The following HECW1 variants were observed in gnomAD, a reference collection of about 807,000 sequenced individuals.
HECW1 encodes E3 ubiquitin-protein ligase HECW1.
In HECW1, 61 loss-of-function variants were observed where a neutral mutation model predicts 182.3. The ratio of observed to expected loss-of-function variants is 0.33; its 90% CI spans 0.27 to 0.41. HECW1 has a LOEUF of 0.41. HECW1 is among the 10% of genes least tolerant of loss of function. HECW1 has a pLI of 1.00. For missense variants in HECW1, 1,739 were observed against 2,108.9 expected, an observed-to-expected ratio of 0.82 and a Z score of 3.44; for synonymous variants, 859 against 832.6, an observed-to-expected ratio of 1.03 and a Z score of -0.55.
intron 3 of HECW1, among the ~76,000 whole-genome samples, chr7:43,244,252 G>A (rs997810725): frequency 6.6e-6 from 1 of 152,236 alleles, no homozygotes; most frequent in Non-Finnish European, 1.5e-5. Context: ...ACAGCTGAGA[G>A]CTCCGCTGTC....
intron 2 of HECW1, among the ~76,000 whole-genome samples, chr7:43,218,933 A>C (rs996721796): frequency 1.3e-5 from 2 of 152,194 alleles, no homozygotes; most frequent in Non-Finnish European, 2.9e-5. Context: ...AGAGACAGAG[A>C]GAGCAGTGCC....
At chr7:43,235,219 C>T (rs1798218757) in intron 2 of HECW1, among the ~76,000 whole-genome samples, 1 of 152,202 alleles carries the variant, frequency 6.6e-6, no homozygotes, top group Non-Finnish European at 1.5e-5. Context: ...CCCCCACACC[C>T]ATCACCTTAC....
intron 2 of HECW1, among the ~76,000 whole-genome samples, chr7:43,175,799 C>G (rs556477039): frequency 1.3e-5 from 2 of 152,262 alleles, no homozygotes; most frequent in South Asian, 2.1e-4. Context: ...ATAAATGCAG[C>G]CTTCATGACG....
chr7:43,232,032 A>AG (rs1273596237), intron 2 of HECW1, among the ~76,000 whole-genome samples: 2 of 151,380 alleles, frequency 1.3e-5, no homozygotes, highest in Non-Finnish European at 2.9e-5. Flanking sequence ...AAAAAAAAAA[A>AG]AAAAAAAAAA....
At chr7:43,544,236 A>G (rs920878731) in intron 26 of HECW1, among the ~76,000 whole-genome samples, 2 of 152,246 alleles carry the variant, frequency 1.3e-5, no homozygotes, top group East Asian at 3.8e-4. Context: ...AAGCAACATA[A>G]TGTTTAATAC....
At chr7:43,207,248 T>C (rs1226177768) in intron 2 of HECW1, among the ~76,000 whole-genome samples, 1 of 152,166 alleles carries the variant, frequency 6.6e-6, no homozygotes, top group Non-Finnish European at 1.5e-5. Flanking sequence ...GGTTTCACCA[T>C]GTTGGCCAGG....
intron 1 of HECW1, chr7:43,113,636 T>G (rs1784811655): frequency 5.6e-6 from 1 of 178,446 alleles, no homozygotes; most frequent in African/African-American, 2.5e-5. Context: ...TATTGCGACT[T>G]GCAGACAGGC....
chr7:43,538,270 G>A (rs1310351169), intron 24 of HECW1, among the ~76,000 whole-genome samples: 1 of 152,078 alleles, frequency 6.6e-6, no homozygotes, highest in Admixed American at 6.5e-5. Flanking sequence ...GATGAGGGAG[G>A]GCGATATCAC....
chr7:43,470,564 G>A lies in HECW1; in HGVS notation c.3099+1459G>A, dbSNP rs144128683. On this transcript the variant is annotated intron_variant, in intron 16 of 29. Transcript: ENST00000395891. ...CACACCAGCAGGGAAGCACAGAGAT[G>A]CACTGTGAGAGTTTTGTTCCATTTG... Among the ~76,000 whole-genome samples, 836 of 152,324 alleles carry A rather than the reference G, an allele frequency of 5.5e-3. 5 individuals carry two copies. Among genetic ancestry groups the A allele is most frequent in the African/African-American group, 0.019 (795 of 41,570 alleles).
chr7:43,524,088 T>C (rs2080653747), intron 24 of HECW1, among the ~76,000 whole-genome samples: 1 of 152,184 alleles, frequency 6.6e-6, no homozygotes, highest in Admixed American at 6.5e-5. Flanking sequence ...AATGCAGATT[T>C]CCATAACCCA....
At chr7:43,128,024 G>A (rs1172607232) in intron 2 of HECW1, among the ~76,000 whole-genome samples, 1 of 152,028 alleles carries the variant, frequency 6.6e-6, no homozygotes, top group Non-Finnish European at 1.5e-5. Flanking sequence ...AACAACAGGT[G>A]CGCACCACCA....
At position 43,114,405 on chromosome 7, in the gene HECW1, G is replaced by C. The variant is rs1462080268; in HGVS notation, c.-32+14G>C. ...GTGGCTATTACGGTAATTCATTCTA[G>C]ATTGGGGATTCATTTAAAAATGTGT... On this transcript the variant is annotated intron_variant, in intron 2 of 29. Coordinates refer to ENST00000395891, the MANE Select transcript of HECW1 (RefSeq NM_015052.5). The C allele has an allele frequency of 3.0e-6, 4 of 1,338,098 alleles. No individual in the cohort carries two copies. In the African/African-American group the frequency reaches 4.4e-5, roughly 15 times the overall value. 82.9% of individuals were successfully genotyped at this position (1,338,098 alleles called of 1,614,324 possible).
chr7:43,552,246 G>C lies in HECW1; in HGVS notation c.4420G>C (p.Val1474Leu). The C allele has an allele frequency of 6.2e-7, 1 of 1,613,724 alleles. No individual in the cohort carries two copies. The highest frequency in any genetic ancestry group is 8.5e-7 in the Non-Finnish European group (1 of 1,179,620). The change falls in exon 28 of 30, where the codon GTG (valine) becomes CTG (leucine). Residue 1474 changes from valine to leucine, a missense_variant. By Grantham distance (32) the Val-to-Leu change is conservative. Coordinates refer to ENST00000395891, the MANE Select transcript of HECW1 (RefSeq NM_015052.5). ...YEVVDSRLVSVFDARELELVI... is the reference protein window; with the variant it reads ...YEVVDSRLVSLFDARELELVI... ...GGTTGTAGACTCGAGGCTGGTGTCCGTGTTTGATGCCAGGGAGCTGGAGCT... is the reference window on the plus strand; with the variant it reads ...GGTTGTAGACTCGAGGCTGGTGTCCCTGTTTGATGCCAGGGAGCTGGAGCT...
chr7:43,167,361 C>A (rs1004372331), intron 2 of HECW1, among the ~76,000 whole-genome samples: 2 of 152,146 alleles, frequency 1.3e-5, no homozygotes, highest in Admixed American at 1.3e-4. Flanking sequence ...CACCCTAAAT[C>A]TAGGGTGATT....
chr7:43,358,447 G>A lies in HECW1; in HGVS notation c.461-2439G>A, dbSNP rs146931737. 2.5e-3 allele frequency among the ~76,000 whole-genome samples: 382 copies of A among 152,124 alleles called. 1 individual carries two copies. Among genetic ancestry groups the A allele is most frequent in the African/African-American group, 8.9e-3 (371 of 41,510 alleles). On this transcript the variant is annotated intron_variant, in intron 5 of 29. Transcript: ENST00000395891. ...TCAACAGACATGTGAAAGAACTATC[G>A]AGAAAGTGACTCAGGAAGGAAACTC...
At chr7:43,543,640 A>T (rs2081442447) in intron 26 of HECW1, among the ~76,000 whole-genome samples, 1 of 151,854 alleles carries the variant, frequency 6.6e-6, no homozygotes, top group Admixed American at 6.6e-5. Flanking sequence ...TTAGCTGGGG[A>T]TGATGGCAGA....
At chr7:43,340,713 A>T (rs945519107) in intron 5 of HECW1, among the ~76,000 whole-genome samples, 4 of 151,754 alleles carry the variant, frequency 2.6e-5, no homozygotes, top group Non-Finnish European at 4.4e-5. Flanking sequence ...TGTTGGTGGG[A>T]GTGTAAACTA....
intron 4 of HECW1, among the ~76,000 whole-genome samples, chr7:43,317,881 CT>C (rs1809549161): frequency 6.7e-6 from 1 of 150,160 alleles, no homozygotes; most frequent in Non-Finnish European, 1.5e-5. Context: ...TTTGCTGATT[CT>C]TCCCACCTCC....
At chr7:43,474,942 T>C (rs927100975) in intron 16 of HECW1, among the ~76,000 whole-genome samples, 4 of 152,104 alleles carry the variant, frequency 2.6e-5, no homozygotes, top group Non-Finnish European at 1.5e-5. Flanking sequence ...TTTATAGAGA[T>C]AGAAAGTAGA....
Sources: gnomAD v4.1 joint callset for allele counts (sites outside exome capture counted in the v4.1 genomes callset) on GRCh38, gnomAD v4.1.1 for gene constraint, MANE v1.5 for transcripts, NCBI Gene and HGNC (gene_info 2026-07-23, HGNC 2026-07-21) for gene names.